Variants in MORC1 observed in about 807,000 individuals in gnomAD.
MORC1 encodes MORC family CW-type zinc finger protein 1.
In MORC1, 59 loss-of-function variants were observed where a neutral mutation model predicts 134.9. That is an observed-to-expected ratio of 0.44 (90% CI 0.35 to 0.54). The LOEUF is 0.54. Among genes scored for constraint, MORC1 ranks in the 20% least tolerant of loss-of-function variants. The probability of loss-of-function intolerance (pLI) is 0.00; values close to 1 mark genes in which losing one functional copy is unlikely to be tolerated. For missense variants in MORC1, 947 were observed against 1,134.5 expected (o/e 0.83, Z 2.37); for synonymous variants, 395 against 391.7 (o/e 1.01, Z -0.10).
Position 109,035,378 on chromosome 3 carries a change from CTTT to C in MORC1, c.1418_1420del (p.Gln473del), listed in dbSNP as rs777926834. The C allele has an allele frequency of 8.8e-5, 140 of 1,587,722 alleles. No individual in the cohort carries two copies. The highest frequency in any genetic ancestry group is 1.1e-4 in the Non-Finnish European group (132 of 1,164,960). ...GAATGGGATACCCATGGCTTGTCTT[CTTT>C]GATATTGAAAAGAATTTAAAGGTTT... is the stretch of plus-strand genomic sequence containing the variant. On this transcript the variant is annotated inframe_deletion, in exon 15 of 28. Transcript: ENST00000232603.
intron 21 of MORC1, among the ~76,000 whole-genome samples, chr3:108,993,164 T>C (rs1189067012): frequency 6.6e-6 from 1 of 152,206 alleles, no homozygotes; most frequent in African/African-American, 2.4e-5. Context: ...CTCATGGTGT[T>C]GTAAAACTGT....
chr3:109,108,192 A>G (rs913334085), intron 3 of MORC1, among the ~76,000 whole-genome samples: 37 of 152,200 alleles, frequency 2.4e-4, no homozygotes, highest in African/African-American at 7.7e-4. Context: ...CCATCTCGAA[A>G]AAAAAGGAGA....
chr3:108,964,757 C>T (rs956701515), intron 26 of MORC1, among the ~76,000 whole-genome samples: 1 of 152,104 alleles, frequency 6.6e-6, no homozygotes, highest in African/African-American at 2.4e-5. Flanking sequence ...TACAAATGTG[C>T]ACATAAATCT....
intron 21 of MORC1, among the ~76,000 whole-genome samples, chr3:108,990,287 A>G (rs1242112128): frequency 6.6e-6 from 1 of 152,194 alleles, no homozygotes; most frequent in African/African-American, 2.4e-5. Context: ...TTCTGTGAAG[A>G]AAAATAACAC....
chr3:108,970,400 A>C (rs539977155), intron 25 of MORC1, among the ~76,000 whole-genome samples: 210 of 152,378 alleles, frequency 1.4e-3, no homozygotes, highest in Non-Finnish European at 2.6e-3. Flanking sequence ...AGGTCAGGTA[A>C]GAGTGACACT....
chr3:109,077,826 A>G (rs961497234), intron 8 of MORC1, among the ~76,000 whole-genome samples: 1 of 151,850 alleles, frequency 6.6e-6, no homozygotes, highest in Non-Finnish European at 1.5e-5. Context: ...CAGTTAGAAT[A>G]AGCAAAAAAA....
At chr3:109,116,087 G>C (rs952625274) in intron 1 of MORC1, among the ~76,000 whole-genome samples, 11 of 152,214 alleles carry the variant, frequency 7.2e-5, no homozygotes, top group African/African-American at 2.7e-4. Flanking sequence ...GGGGAGAACA[G>C]GTTGAAATGA....
At chr3:109,022,653 A>G (rs1043095006) in intron 17 of MORC1, among the ~76,000 whole-genome samples, 4 of 152,224 alleles carry the variant, frequency 2.6e-5, no homozygotes, top group Non-Finnish European at 5.9e-5. Flanking sequence ...GTATAAGAAC[A>G]TTTTGGTCTT....
At chr3:109,050,451 A>T (rs555556650) in intron 14 of MORC1, among the ~76,000 whole-genome samples, 13 of 152,018 alleles carry the variant, frequency 8.6e-5, no homozygotes, top group African/African-American at 3.1e-4. Context: ...TCTCTCTTGG[A>T]CCTCCTTTAT....
intron 16 of MORC1, among the ~76,000 whole-genome samples, chr3:109,028,508 T>C (rs1012765403): frequency 1.3e-5 from 2 of 152,160 alleles, no homozygotes; most frequent in African/African-American, 4.8e-5. Context: ...CTTACAGATA[T>C]GCTGTTCTAA....
chr3:109,071,291 G>A (rs1576709632), intron 8 of MORC1, among the ~76,000 whole-genome samples: 1 of 152,084 alleles, frequency 6.6e-6, no homozygotes, highest in East Asian at 1.9e-4. Context: ...TGAGAAATAT[G>A]GTGAGAGATA....
chr3:109,107,573 T>G (rs1951066105), intron 3 of MORC1, among the ~76,000 whole-genome samples: 1 of 152,230 alleles, frequency 6.6e-6, no homozygotes, highest in African/African-American at 2.4e-5. Context: ...GAAACATATT[T>G]CATTTGAATT....
At chr3:109,110,866 A>G in intron 2 of MORC1, 83 bp from the exon 3 acceptor site, 2 of 1,048,728 alleles carry the variant, frequency 1.9e-6, no homozygotes, top group South Asian at 1.7e-5. Context: ...GATATCAAAC[A>G]ATACAAAAAT....
At chr3:108,987,551 T>C (rs1947928200) in intron 21 of MORC1, among the ~76,000 whole-genome samples, 1 of 151,950 alleles carries the variant, frequency 6.6e-6, no homozygotes, top group African/African-American at 2.4e-5. Flanking sequence ...AGTGTGTTGA[T>C]TGTTGGAGCC....
At chr3:109,007,414 C>T (rs1280098371) in intron 17 of MORC1, among the ~76,000 whole-genome samples, 1 of 152,152 alleles carries the variant, frequency 6.6e-6, no homozygotes, top group Non-Finnish European at 1.5e-5. Context: ...ACTCTGTTCC[C>T]CACCTACAGA....
intron 21 of MORC1, among the ~76,000 whole-genome samples, chr3:108,989,375 T>C (rs1283286919): frequency 6.6e-6 from 1 of 152,190 alleles, no homozygotes; most frequent in East Asian, 1.9e-4. Flanking sequence ...AGTCTTAACA[T>C]AGAGTTTAAG....
At chr3:108,973,745 C>T (rs376907420) in intron 24 of MORC1, among the ~76,000 whole-genome samples, 8 of 151,480 alleles carry the variant, frequency 5.3e-5, no homozygotes, top group South Asian at 2.1e-4. Context: ...TACAGGCGCA[C>T]GCCACCACAC....
chr3:108,965,573 C>T (rs1454105571), intron 26 of MORC1, among the ~76,000 whole-genome samples: 2 of 152,062 alleles, frequency 1.3e-5, no homozygotes, highest in Non-Finnish European at 2.9e-5. Flanking sequence ...ATTCTGCATC[C>T]TGATTTCAGT....
chr3:109,057,628 T>C (rs1282333093), intron 12 of MORC1, 142 bp from the exon 13 acceptor site: 4 of 606,318 alleles, frequency 6.6e-6, no homozygotes, highest in Non-Finnish European at 1.0e-5. Flanking sequence ...GCACACTCAG[T>C]TGTCTCTGTA....
Sources: allele counts gnomAD v4.1 joint callset (sites outside exome capture counted in the v4.1 genomes callset), GRCh38; gene constraint gnomAD v4.1.1; transcripts MANE v1.5; gene names NCBI Gene and HGNC (gene_info 2026-07-23, HGNC 2026-07-21).